The following MSN variants were observed in gnomAD, a reference collection of about 807,000 sequenced individuals.
MSN encodes the protein epididymis luminal protein 70.
In MSN, 2 loss-of-function variants were observed where a neutral mutation model predicts 48.0. The observed-to-expected ratio is 0.04, with a 90% CI of 0.02 to 0.13. The LOEUF is 0.13. Among genes scored for constraint, MSN ranks in the 10% least tolerant of loss-of-function variants. The pLI is 1.00. For missense variants in MSN, 267 were observed against 470.1 expected (o/e 0.57, Z 3.99); for synonymous variants, 146 against 166.9 (o/e 0.87, Z 0.97).
intron 1 of MSN, among the ~76,000 whole-genome samples, chrX:65,698,870 G>A (rs1285162990): frequency 1.8e-5 from 2 of 112,159 alleles, no homozygotes; most frequent in Admixed American, 9.4e-5. Flanking sequence ...GACCTTTAGA[G>A]GCCAACTAGA....
At chrX:65,704,755 G>C (rs767160011) in intron 1 of MSN, among the ~76,000 whole-genome samples, 1 of 108,822 alleles carries the variant, frequency 9.2e-6, no homozygotes, top group East Asian at 2.9e-4. Context: ...AAATAGGCTA[G>C]TGGATCAAAA....
intron 1 of MSN, among the ~76,000 whole-genome samples, chrX:65,640,833 G>A (rs1478126097): frequency 9.0e-6 from 1 of 111,727 alleles, no homozygotes; most frequent in African/African-American, 3.3e-5. Flanking sequence ...ACAGAGCCAG[G>A]CGCAGTGGCT....
At chrX:65,736,130 G>C (rs1002863824) in intron 8 of MSN, among the ~76,000 whole-genome samples, 1 of 111,982 alleles carries the variant, frequency 8.9e-6, no homozygotes, top group Non-Finnish European at 1.9e-5. Context: ...CTTCATCCCA[G>C]CACAGAGCCA....
intron 1 of MSN, among the ~76,000 whole-genome samples, chrX:65,628,481 G>A (rs1264937982): frequency 3.6e-5 from 4 of 111,702 alleles, no homozygotes; most frequent in Non-Finnish European, 7.5e-5. Flanking sequence ...TGGGACACAG[G>A]GCACCAAGTC....
At chrX:65,590,510 G>A (rs891260974) in intron 1 of MSN, among the ~76,000 whole-genome samples, 2 of 110,977 alleles carry the variant, frequency 1.8e-5, no homozygotes, top group Admixed American at 9.6e-5. Flanking sequence ...CCCGAAGGAC[G>A]CTCCCAAAAT....
intron 1 of MSN, among the ~76,000 whole-genome samples, chrX:65,613,041 C>A (rs1159024656): frequency 1.8e-5 from 2 of 111,399 alleles, no homozygotes; most frequent in Non-Finnish European, 3.8e-5. Context: ...TGCCCCCAAC[C>A]CCCAACAGGC....
chrX:65,616,397 A>C (rs1327989478), intron 1 of MSN, among the ~76,000 whole-genome samples: 2 of 89,431 alleles, frequency 2.2e-5, no homozygotes, highest in African/African-American at 8.1e-5. Context: ...AGTGGTTTGT[A>C]GTTCTCCTTG....
intron 1 of MSN, among the ~76,000 whole-genome samples, chrX:65,680,718 TC>T (rs936881726): frequency 2.7e-5 from 3 of 111,462 alleles, no homozygotes; most frequent in African/African-American, 6.5e-5. Context: ...TTTCTTTTTT[TC>T]ATCCAGCTTT....
chrX:65,624,189 C>T (rs779715387), intron 1 of MSN, among the ~76,000 whole-genome samples: 27 of 109,801 alleles, frequency 2.5e-4, no homozygotes, highest in Non-Finnish European at 3.8e-4. Flanking sequence ...AGTGACTTTC[C>T]TGTCTCAGCC....
At chrX:65,607,838 AG>A (rs759690236) in intron 1 of MSN, among the ~76,000 whole-genome samples, 12 of 111,691 alleles carry the variant, frequency 1.1e-4, no homozygotes, top group Non-Finnish European at 1.9e-4. Context: ...TATAAGGAAA[AG>A]TCACTGGGCG....
chrX:65,734,396 A>T (rs1289969479), intron 7 of MSN, among the ~76,000 whole-genome samples: 1 of 111,851 alleles, frequency 8.9e-6, no homozygotes, highest in African/African-American at 3.3e-5. Context: ...TAAGTAGCAT[A>T]CTAATTTTAT....
intron 1 of MSN, among the ~76,000 whole-genome samples, chrX:65,618,611 G>A (rs1486704773): frequency 9.0e-6 from 1 of 111,396 alleles, no homozygotes; most frequent in Non-Finnish European, 1.9e-5. Context: ...CTCTGCATGT[G>A]AGATGGGTTT....
chrX:65,695,079 TGC>T (rs1244757464), intron 1 of MSN, among the ~76,000 whole-genome samples: 4 of 94,958 alleles, frequency 4.2e-5, no homozygotes, highest in African/African-American at 2.5e-4. Context: ...TGTGTGTGTC[TGC>T]GTGTGTGTGT....
At chrX:65,659,086 C>T (rs2070803241) in intron 1 of MSN, among the ~76,000 whole-genome samples, 1 of 110,530 alleles carries the variant, frequency 9.0e-6, no homozygotes. Flanking sequence ...TCAGGTGATC[C>T]ACCCTCCTCA....
chrX:65,734,574 A>G (rs2071655956), intron 7 of MSN, among the ~76,000 whole-genome samples: 1 of 111,850 alleles, frequency 8.9e-6, no homozygotes, highest in African/African-American at 3.3e-5. Flanking sequence ...ACTTCGGTCC[A>G]GTGGTATTTG....
intron 1 of MSN, among the ~76,000 whole-genome samples, chrX:65,622,763 G>A (rs866396396): frequency 1.8e-4 from 20 of 110,329 alleles, no homozygotes; most frequent in Middle Eastern, 4.7e-3. Context: ...GTCTAGCCTC[G>A]GCCTCCCAAA....
At chrX:65,683,393 G>A (rs192984710) in intron 1 of MSN, among the ~76,000 whole-genome samples, 10 of 91,314 alleles carry the variant, frequency 1.1e-4, no homozygotes, top group East Asian at 3.9e-4. Flanking sequence ...TGCCGCCGCC[G>A]CCACCACCAC....
intron 1 of MSN, chrX:65,625,138 C>T (rs1316874722): frequency 1.8e-5 from 2 of 112,595 alleles, no homozygotes; most frequent in African/African-American, 3.2e-5. Flanking sequence ...GAGGAAGATA[C>T]TTTGTATGGT....
chrX:65,653,677 C>T (rs1009671388), intron 1 of MSN, among the ~76,000 whole-genome samples: 5 of 109,498 alleles, frequency 4.6e-5, no homozygotes, highest in Non-Finnish European at 7.6e-5. Flanking sequence ...ATAACATACA[C>T]ATGGCCAAAC....
Sources: gnomAD v4.1 joint callset for allele counts (sites outside exome capture counted in the v4.1 genomes callset) on GRCh38, gnomAD v4.1.1 for gene constraint, MANE v1.5 for transcripts, NCBI Gene and HGNC (gene_info 2026-07-23, HGNC 2026-07-21) for gene names.